Variants in SLCO1B1 observed in about 807,000 individuals in gnomAD.
SLCO1B1 encodes the protein OATP-2.
In SLCO1B1, 81 loss-of-function variants were observed where a neutral mutation model predicts 70.1. The ratio of observed to expected loss-of-function variants is 1.16; its 90% CI spans 0.97 to 1.39. The LOEUF is 1.39. Ranked by LOEUF, SLCO1B1 falls within the 40% of genes most tolerant of loss-of-function variation. The pLI is 0.00. For synonymous variants in SLCO1B1, 283 were observed against 271.5 expected, an observed-to-expected ratio of 1.04 and a Z score of -0.42; for missense variants, 895 against 799.6, an observed-to-expected ratio of 1.12 and a Z score of -1.44.
chr12:21,190,401 T>C lies in SLCO1B1; in HGVS notation c.728-6545T>C, dbSNP rs533688830. ...TAGCCACTCTTTCACCACATACCTG[T>C]GTCTGAGTACTCCTTTCATCTGTTG... is the stretch of plus-strand genomic sequence containing the variant. On this transcript the variant is annotated intron_variant, in intron 7 of 14. Transcript: ENST00000256958. Among the ~76,000 whole-genome samples the C allele has an allele frequency of 3.3e-5, 5 of 152,160 alleles. No homozygotes were observed. The East Asian group carries it at 9.7e-4, about 29-fold the overall frequency.
intron 2 of SLCO1B1, among the ~76,000 whole-genome samples, chr12:21,145,910 T>A (rs1302053994): frequency 6.6e-6 from 1 of 152,144 alleles, no homozygotes; most frequent in Non-Finnish European, 1.5e-5. Context: ...GTTTAAGGAC[T>A]TACTTGTAAT....
intron 11 of SLCO1B1, among the ~76,000 whole-genome samples, chr12:21,209,308 G>C (rs1339507799): frequency 6.6e-6 from 1 of 151,758 alleles, no homozygotes; most frequent in Admixed American, 6.6e-5. Context: ...AATATGCGGT[G>C]TTTGGTTTTT....
intron 9 of SLCO1B1, among the ~76,000 whole-genome samples, chr12:21,201,867 A>C (rs963173269): frequency 3.9e-5 from 6 of 152,096 alleles, no homozygotes; most frequent in African/African-American, 1.4e-4. Flanking sequence ...TTCTTTTTAA[A>C]AAGTAATAAG....
intron 1 of SLCO1B1, among the ~76,000 whole-genome samples, chr12:21,136,548 C>G (rs1264187050): frequency 1.3e-5 from 2 of 152,098 alleles, no homozygotes; most frequent in East Asian, 3.9e-4. Context: ...TCTTTTTTCT[C>G]TAAACTTCTC....
intron 1 of SLCO1B1, among the ~76,000 whole-genome samples, chr12:21,132,852 C>G (rs1940161358): frequency 6.6e-6 from 1 of 152,124 alleles, no homozygotes; most frequent in Non-Finnish European, 1.5e-5. Context: ...TCTCATTTGT[C>G]ATTTTTGGCT....
intron 1 of SLCO1B1, among the ~76,000 whole-genome samples, chr12:21,136,103 T>G (rs1008553337): frequency 1.3e-5 from 2 of 152,202 alleles, no homozygotes; most frequent in African/African-American, 2.4e-5. Flanking sequence ...TTCGTTTGGC[T>G]GGATATGAAA....
At chr12:21,233,651 A>G (rs746402368) in intron 14 of SLCO1B1, among the ~76,000 whole-genome samples, 11 of 152,056 alleles carry the variant, frequency 7.2e-5, no homozygotes, top group Non-Finnish European at 1.5e-4. Context: ...AAAGGAGCCA[A>G]ACCAACTGGG....
chr12:21,135,236 G>A (rs1182250259), intron 1 of SLCO1B1, among the ~76,000 whole-genome samples: 1 of 152,152 alleles, frequency 6.6e-6, no homozygotes, highest in African/African-American at 2.4e-5. Flanking sequence ...CATTTGCTGA[G>A]GAGAGCTTTA....
chr12:21,211,442 G>C (rs909358262), intron 11 of SLCO1B1, among the ~76,000 whole-genome samples: 1 of 152,272 alleles, frequency 6.6e-6, no homozygotes, highest in African/African-American at 2.4e-5. Context: ...GCTTTTGGAT[G>C]TGCTGCTGGA....
intron 7 of SLCO1B1, among the ~76,000 whole-genome samples, chr12:21,186,053 A>T (rs1031775883): frequency 2.0e-5 from 3 of 152,086 alleles, no homozygotes; most frequent in Non-Finnish European, 4.4e-5. Flanking sequence ...ATTAGTAATA[A>T]AAAACCTACT....
At position 21,200,627 on chromosome 12, in the gene SLCO1B1, G is replaced by A. The variant is rs1408604070; in HGVS notation, c.1090G>A (p.Glu364Lys). The A allele has an allele frequency of 6.2e-7, 1 of 1,612,248 alleles. No homozygotes were observed. ...GAFTYVFKYV[E>K]QQYGQPSSKA... The stretch of plus-strand genomic sequence containing the variant: ...TTTTACTTATGTCTTCAAATACGTA[G>A]AGCAACAGTATGGTCAGCCTTCATC... Residue 364 changes from glutamate to lysine, a missense_variant, in exon 9 of 15, where the codon GAG becomes AAG. Glu to Lys is a moderately conservative substitution (Grantham distance 56, BLOSUM62 1). Transcript: ENST00000256958.
intron 2 of SLCO1B1, among the ~76,000 whole-genome samples, chr12:21,150,498 A>G: frequency 6.6e-6 from 1 of 152,108 alleles, no homozygotes; most frequent in East Asian, 1.9e-4. Flanking sequence ...AGAGGAAGGA[A>G]CAGGCCGCAA....
intron 2 of SLCO1B1, among the ~76,000 whole-genome samples, chr12:21,143,501 A>T (rs1452618575): frequency 4.6e-5 from 7 of 152,080 alleles, no homozygotes; most frequent in Non-Finnish European, 1.0e-4. Flanking sequence ...TATGCCAGAC[A>T]TTGATTTAGT....
At chr12:21,174,385 C>CTT (rs4149094) in intron 3 of SLCO1B1, among the ~76,000 whole-genome samples, 192 bp from the exon 4 acceptor site, 2 of 151,028 alleles carry the variant, frequency 1.3e-5, no homozygotes, top group African/African-American at 4.9e-5. Flanking sequence ...AATTCAAGTG[C>CTT]TTTTTTTTTG....
In SLCO1B1 at chr12:21,171,774, A is replaced by T. The variant is rs1940758258; in HGVS notation, c.85-876A>T. Among the ~76,000 whole-genome samples the T allele has an allele frequency of 2.0e-5, 3 of 152,146 alleles. No homozygotes were observed. The South Asian group carries it at 6.2e-4, about 32-fold the overall frequency. ...AGGGTTCTGGCATAATTGAGTTCTG[A>T]TAAGGGCCCTATTCCTGGTTTCCAG... On this transcript the variant is annotated intron_variant, in intron 2 of 14. Coordinates refer to ENST00000256958, the MANE Select transcript of SLCO1B1 (RefSeq NM_006446.5).
chr12:21,176,981 G>A (rs398088125), intron 5 of SLCO1B1, 84 bp downstream of exon 5: 3 of 1,049,174 alleles, frequency 2.9e-6, no homozygotes. Flanking sequence ...ATATTCATTA[G>A]CAAAATTTAA....
At chr12:21,193,310 A>G (rs1477622597) in intron 7 of SLCO1B1, among the ~76,000 whole-genome samples, 6 of 152,156 alleles carry the variant, frequency 3.9e-5, no homozygotes, top group Non-Finnish European at 8.8e-5. Context: ...AAGTCAGCCT[A>G]CTATGGAGGG....
Position 21,217,317 on chromosome 12 carries a change from T to C in SLCO1B1, c.1682+14T>C. 1 of 1,606,188 alleles carries C rather than the reference T, an allele frequency of 6.2e-7. No individual in the cohort carries two copies. Among genetic ancestry groups the C allele is most frequent in the Non-Finnish European group, 8.5e-7 (1 of 1,172,972 alleles). ...GCTGATTGTTAAGTAAGTATGACTT[T>C]TAAAAACATTTTCATATGCATGAGA... On this transcript the variant is annotated intron_variant, in intron 12 of 14. Coordinates refer to ENST00000256958, the MANE Select transcript of SLCO1B1 (RefSeq NM_006446.5).
chr12:21,224,439 C>A (rs1278112682), intron 13 of SLCO1B1, among the ~76,000 whole-genome samples: 1 of 152,110 alleles, frequency 6.6e-6, no homozygotes, highest in Non-Finnish European at 1.5e-5. Context: ...CTCCTTTTTA[C>A]CATTCAGGCT....
Sources: gnomAD v4.1 joint callset for allele counts (sites outside exome capture counted in the v4.1 genomes callset) on GRCh38, gnomAD v4.1.1 for gene constraint, MANE v1.5 for transcripts, NCBI Gene and HGNC (gene_info 2026-07-23, HGNC 2026-07-21) for gene names.